STOX2: variants seen among roughly 807,000 people sequenced by gnomAD.
STOX2 encodes the protein storkhead box 2.
STOX2 carries 28 observed loss-of-function variants against 60.9 expected under a neutral mutation model. That is an observed-to-expected ratio of 0.46 (90% CI 0.34 to 0.63). STOX2 has a LOEUF of 0.63. Ranked by LOEUF, STOX2 falls within the 30% of genes least tolerant of loss-of-function variation. STOX2 has a pLI of 0.01. For missense variants in STOX2, 1,024 were observed against 1,187.7 expected, an observed-to-expected ratio of 0.86 and a Z score of 2.03; for synonymous variants, 472 against 463.9, an observed-to-expected ratio of 1.02 and a Z score of -0.22.
intron 1 of STOX2, among the ~76,000 whole-genome samples, chr4:183,954,383 G>A (rs2094557813): frequency 6.6e-6 from 1 of 151,982 alleles, no homozygotes; most frequent in East Asian, 1.9e-4. Flanking sequence ...CCGCTTCCCA[G>A]GTTCAAGCGA....
At chr4:183,909,133 T>A (rs139873152) in intron 1 of STOX2, among the ~76,000 whole-genome samples, 67 of 152,364 alleles carry the variant, frequency 4.4e-4, no homozygotes, top group African/African-American at 1.5e-3. Flanking sequence ...GTCTTTCTCA[T>A]GTGCAACTCT....
chr4:184,007,028 A>AC (rs1280489615), intron 2 of STOX2, among the ~76,000 whole-genome samples: 2 of 129,794 alleles, frequency 1.5e-5, no homozygotes, highest in African/African-American at 3.6e-5. Context: ...AAAAAAAAAA[A>AC]AAAACAAAAC....
At chr4:183,936,456 G>A (rs569036693) in intron 1 of STOX2, among the ~76,000 whole-genome samples, 24 of 150,212 alleles carry the variant, frequency 1.6e-4, no homozygotes, top group East Asian at 3.9e-4. Flanking sequence ...GTTTATTGGC[G>A]TCAGTATCTT....
chr4:183,935,428 C>T (rs550626440), intron 1 of STOX2, among the ~76,000 whole-genome samples: 7 of 152,212 alleles, frequency 4.6e-5, no homozygotes, highest in Non-Finnish European at 1.0e-4. Flanking sequence ...TTGGGGCTAA[C>T]GCTCTAGAGA....
rs1364956807 is a variant in STOX2 at position 183,927,484 on chromosome 4, T to C, written c.166+20528T>C. ...TCTTTGGGCCTCTAAAAAAGGGTCA[T>C]TTATTTCTGAGAACTTTTGGGGTCT... On this transcript the variant is annotated intron_variant, in intron 1 of 3. Coordinates refer to ENST00000308497, the MANE Select transcript of STOX2 (RefSeq NM_020225.3). Among the ~76,000 whole-genome samples, 8 of 152,230 alleles carry C rather than the reference T, an allele frequency of 5.3e-5. No homozygotes were observed. The East Asian group carries it at 1.5e-3, about 29-fold the overall frequency.
chr4:183,827,308 G>A (rs1185965013), intron 1 of STOX2, among the ~76,000 whole-genome samples: 1 of 152,022 alleles, frequency 6.6e-6, no homozygotes, highest in Admixed American at 6.6e-5. Context: ...CACTAGCCTG[G>A]GCAACACAGC....
chr4:183,900,538 G>A (rs1370483791), upstream of STOX2, among the ~76,000 whole-genome samples: 1 of 152,202 alleles, frequency 6.6e-6, no homozygotes, highest in Non-Finnish European at 1.5e-5. Context: ...GTGTTCAGAT[G>A]CTTAGGTCTT....
intron 1 of STOX2, among the ~76,000 whole-genome samples, chr4:183,802,606 C>T (rs546567231): frequency 9.6e-6 from 1 of 104,640 alleles, no homozygotes; most frequent in South Asian, 3.1e-4. Flanking sequence ...TGTATTAGTC[C>T]ATTTTTCTTT....
chr4:183,945,590 G>A (rs1304330081), intron 1 of STOX2, among the ~76,000 whole-genome samples: 5 of 152,172 alleles, frequency 3.3e-5, no homozygotes, highest in Admixed American at 6.5e-5. Flanking sequence ...TTAGGAACCC[G>A]TAGCAGTTCT....
intron 1 of STOX2, among the ~76,000 whole-genome samples, chr4:183,936,689 A>G (rs1291797585): frequency 6.6e-6 from 1 of 152,218 alleles, no homozygotes; most frequent in African/African-American, 2.4e-5. Context: ...AAGGAGAGGT[A>G]TAGGTGCATG....
rs987818680 is a variant in STOX2 at position 184,001,571 on chromosome 4, T to C, written c.319+94T>C. Reference sequence around the variant, plus strand: ...CTGTTCTGCCCATGTTTAAAGAGAATAGGAAAACATTCTTCCCCAAAACTG... The same window carrying C: ...CTGTTCTGCCCATGTTTAAAGAGAACAGGAAAACATTCTTCCCCAAAACTG... On this transcript the variant is annotated intron_variant, in intron 2 of 3. Transcript: ENST00000308497. This position sits in a 1 kb window ranked among gnomAD's most constrained non-coding sequence, Gnocchi z 4.2. The C allele has an allele frequency of 5.7e-6, 7 of 1,238,792 alleles. No individual in the cohort carries two copies. Among genetic ancestry groups the C allele is most frequent in the African/African-American group, 1.5e-5 (1 of 67,162 alleles). The allele number at this position is 1,238,792 out of a possible 1,614,324, so 76.7% of individuals were successfully genotyped here. A position where few individuals can be genotyped will look rare whatever the true frequency, so the allele number is the denominator to read the frequency against.
intron 1 of STOX2, among the ~76,000 whole-genome samples, chr4:183,891,496 G>A (rs1396370632): frequency 6.6e-6 from 1 of 150,500 alleles, no homozygotes; most frequent in Non-Finnish European, 1.5e-5. Context: ...TCTAAGTGAA[G>A]TAACTCAGGA....
chr4:183,844,530 T>C (rs572193011), intron 1 of STOX2, among the ~76,000 whole-genome samples: 10 of 152,200 alleles, frequency 6.6e-5, no homozygotes, highest in East Asian at 1.9e-4. Flanking sequence ...ATTGTGTGAA[T>C]TGTGAAAAAA....
At chr4:183,946,637 T>TTTGTTTGTTTG (rs1742899854) in intron 1 of STOX2, among the ~76,000 whole-genome samples, 2 of 151,450 alleles carry the variant, frequency 1.3e-5, no homozygotes, top group African/African-American at 4.9e-5. Flanking sequence ...GTTTTTTTTT[T>TTTGTTTGTTTG]TTTTTTGTGA....
rs1324000411 is a variant in STOX2, at chr4:183,889,423, C to A, written c.364+91368C>A. ...TGGGGCAGGCTCTTCCTGCAGCACC[C>A]CCAGAGGAAACAGCCCTGCTCTTAA... On this transcript the variant is annotated intron_variant, in intron 1 of 2. Transcript: ENST00000513034. 2.0e-5 allele frequency among the ~76,000 whole-genome samples: 3 copies of A among 152,168 alleles called. No individual in the cohort carries two copies. The East Asian group carries it at 5.8e-4, about 29-fold the overall frequency.
At chr4:183,824,781 C>T (rs1739382991) in intron 1 of STOX2, among the ~76,000 whole-genome samples, 1 of 152,304 alleles carries the variant, frequency 6.6e-6, no homozygotes, top group African/African-American at 2.4e-5. Context: ...AGGCAGGAGA[C>T]ATCATGCATT....
At chr4:183,837,859 T>C (rs6841762) in intron 1 of STOX2, among the ~76,000 whole-genome samples, 86,669 of 151,996 alleles carry the variant, frequency 0.57, 25,230 homozygotes, top group East Asian at 0.86. Flanking sequence ...TATCTGTTCA[T>C]CTGTGGATGG....
chr4:183,920,393 T>C (rs1460205879), intron 1 of STOX2, among the ~76,000 whole-genome samples: 1 of 152,064 alleles, frequency 6.6e-6, no homozygotes, highest in East Asian at 1.9e-4. Flanking sequence ...CAGGTGTGAG[T>C]CACCAGACCC....
intron 1 of STOX2, among the ~76,000 whole-genome samples, chr4:183,956,365 T>G (rs1399796067): frequency 2.3e-5 from 1 of 43,772 alleles, no homozygotes; most frequent in African/African-American, 1.5e-4. Context: ...GCATTTGTTC[T>G]ATCTATCTAT....
Sources: gnomAD v4.1 joint callset for allele counts (sites outside exome capture counted in the v4.1 genomes callset) on GRCh38, gnomAD v4.1.1 for gene constraint, Gnocchi (gnomAD v3.1) non-coding constraint, MANE v1.5 for transcripts, NCBI Gene and HGNC (gene_info 2026-07-23, HGNC 2026-07-21) for gene names.